The following GMEB1 variants were observed in gnomAD, a reference collection of about 807,000 sequenced individuals.
GMEB1 encodes glucocorticoid modulatory element binding protein 1.
Under a neutral mutation model 52.4 loss-of-function variants are expected in GMEB1, and 6 were observed. The observed-to-expected ratio is 0.11, with a 90% CI of 0.06 to 0.23. The LOEUF is 0.23. Ranked by LOEUF, GMEB1 falls within the 10% of genes least tolerant of loss-of-function variation. The pLI is 1.00. For missense variants in GMEB1, 486 were observed against 685.6 expected, an observed-to-expected ratio of 0.71 and a Z score of 3.25; for synonymous variants, 255 against 244.9, an observed-to-expected ratio of 1.04 and a Z score of -0.38.
chr1:28,688,278 C>G (rs574361968), intron 2 of GMEB1, among the ~76,000 whole-genome samples: 1 of 152,102 alleles, frequency 6.6e-6, no homozygotes, highest in Admixed American at 6.6e-5. Flanking sequence ...AGCGAAACTC[C>G]GTCTCAAGAA....
intron 2 of GMEB1, among the ~76,000 whole-genome samples, chr1:28,688,066 C>T (rs557687288): frequency 6.6e-6 from 1 of 152,224 alleles, no homozygotes; most frequent in East Asian, 1.9e-4. Flanking sequence ...GGGCAGATCA[C>T]CTGAGGTCGG....
At chr1:28,679,952 A>G (rs1040119126) in intron 1 of GMEB1, among the ~76,000 whole-genome samples, 1 of 152,024 alleles carries the variant, frequency 6.6e-6, no homozygotes, top group African/African-American at 2.4e-5. Flanking sequence ...ATTATAGGCA[A>G]GCGCCACCAC....
At chr1:28,705,870 T>G (rs1427905806) in intron 8 of GMEB1, among the ~76,000 whole-genome samples, 1 of 150,990 alleles carries the variant, frequency 6.6e-6, no homozygotes, top group Non-Finnish European at 1.5e-5. Flanking sequence ...TATTCTCATA[T>G]TCGGCCGGGC....
intron 2 of GMEB1, among the ~76,000 whole-genome samples, chr1:28,684,688 A>G (rs1365966249): frequency 6.6e-6 from 1 of 152,094 alleles, no homozygotes; most frequent in Non-Finnish European, 1.5e-5. Flanking sequence ...GAGTTAAACA[A>G]TGAGAACACA....
intron 1 of GMEB1, among the ~76,000 whole-genome samples, chr1:28,679,776 G>C (rs1669313172): frequency 6.6e-6 from 1 of 151,680 alleles, no homozygotes; most frequent in Non-Finnish European, 1.5e-5. Flanking sequence ...GAAAGTTCTA[G>C]AAGGGGCCAG....
At chr1:28,690,961 C>G (rs1296973340) in intron 3 of GMEB1, among the ~76,000 whole-genome samples, 1 of 151,466 alleles carries the variant, frequency 6.6e-6, no homozygotes, top group African/African-American at 2.4e-5. Context: ...GCCTGGGCAA[C>G]AAGAGCGAGA....
rs1670029284 is a variant in GMEB1 at position 28,692,888 on chromosome 1, C to T, written c.337-54C>T. The T allele has an allele frequency of 6.7e-6, 6 of 892,070 alleles. No individual in the cohort carries two copies. In the East Asian group the frequency reaches 1.3e-4, roughly 19 times the overall value. 55.3% of individuals were successfully genotyped at this position (892,070 alleles called of 1,614,324 possible). ...GAGTTATCATTTCATTATTTCCCCT[C>T]TTGGCCTGCCTAAGTTGACATTAGA... On this transcript the variant is annotated intron_variant, in intron 4 of 9. Coordinates refer to ENST00000373816, the MANE Select transcript of GMEB1 (RefSeq NM_001319674.2).
chr1:28,687,373 C>CAAAAAA lies in GMEB1; in HGVS notation c.129-2730_129-2729insAAAAAA, dbSNP rs1319753146. Reference sequence around the variant, plus strand: ...ACACACACACACACACACACACACACACACACACACACACAAAAAAAGACA... The same window carrying CAAAAAA: ...ACACACACACACACACACACACACACAAAAAAACACACACACACACAAAAAAAGACA... On this transcript the variant is annotated intron_variant, in intron 2 of 9. Coordinates refer to ENST00000373816, the MANE Select transcript of GMEB1 (RefSeq NM_001319674.2). Among the ~76,000 whole-genome samples, 29 of 23,916 alleles carry CAAAAAA rather than the reference C, an allele frequency of 1.2e-3. 6 individuals are homozygous for CAAAAAA. Among genetic ancestry groups the CAAAAAA allele is most frequent in the African/African-American group, 6.5e-3 (29 of 4,490 alleles). 15.7% of individuals were successfully genotyped at this position (23,916 alleles called of 152,430 possible). A position where few individuals can be genotyped will look rare whatever the true frequency, so the allele number is the denominator to read the frequency against.
At chr1:28,707,063 A>G (rs7550163) in intron 8 of GMEB1, among the ~76,000 whole-genome samples, 55,009 of 145,502 alleles carry the variant, frequency 0.38, 11,927 homozygotes, top group East Asian at 0.76. Flanking sequence ...GCTCACTGCA[A>G]GCTCCACCTG....
chr1:28,677,371 G>A (rs1373515706), intron 1 of GMEB1, among the ~76,000 whole-genome samples: 1 of 151,488 alleles, frequency 6.6e-6, no homozygotes, highest in Non-Finnish European at 1.5e-5. Flanking sequence ...CTAATTTTTT[G>A]CATTTGTAGC....
chr1:28,708,449 C>T (rs1043737001), intron 8 of GMEB1, among the ~76,000 whole-genome samples: 2 of 151,514 alleles, frequency 1.3e-5, no homozygotes, highest in Non-Finnish European at 2.9e-5. Flanking sequence ...CAGGCATGAG[C>T]CACCGTGCCT....
Position 28,674,149 on chromosome 1 carries a change from GAA to G in GMEB1, c.-31+5324_-31+5325del, listed in dbSNP as rs747433826. Among the ~76,000 whole-genome samples, 422 of 124,140 alleles carry G rather than the reference GAA, an allele frequency of 3.4e-3. 1 individual carries two copies. Among genetic ancestry groups the G allele is most frequent in the African/African-American group, 0.012 (397 of 33,886 alleles). 81.4% of individuals were successfully genotyped at this position (124,140 alleles called of 152,430 possible). On this transcript the variant is annotated intron_variant, in intron 1 of 9. Transcript: ENST00000373816. The stretch of plus-strand genomic sequence containing the variant: ...TGGGTGACAGAGCGAGACTCCGTCT[GAA>G]AAAAAAAAAAAAAGTTAATGAAAAA...
chr1:28,686,473 A>G (rs1669645659), intron 2 of GMEB1, among the ~76,000 whole-genome samples: 1 of 151,978 alleles, frequency 6.6e-6, no homozygotes, highest in Admixed American at 6.6e-5. Flanking sequence ...TACTAAAAGT[A>G]CAAAAATTAG....
chr1:28,682,740 A>G (rs1252918618), intron 1 of GMEB1, among the ~76,000 whole-genome samples: 1 of 152,002 alleles, frequency 6.6e-6, no homozygotes, highest in Non-Finnish European at 1.5e-5. Flanking sequence ...CTCCCTCCAC[A>G]GATACTGAGT....
chr1:28,687,989 A>G (rs1669765816), intron 2 of GMEB1, among the ~76,000 whole-genome samples: 1 of 152,188 alleles, frequency 6.6e-6, no homozygotes, highest in South Asian at 2.1e-4. Context: ...TGGGACTTCC[A>G]AATGTATTTA....
intron 2 of GMEB1, among the ~76,000 whole-genome samples, chr1:28,684,828 C>A (rs1319634840): frequency 6.6e-6 from 1 of 152,062 alleles, no homozygotes; most frequent in Non-Finnish European, 1.5e-5. Context: ...TGTAACAAAT[C>A]TGCACGTTCT....
chr1:28,691,743 G>T, intron 4 of GMEB1, 34 bp downstream of exon 4: 1 of 1,372,178 alleles, frequency 7.3e-7, no homozygotes. Context: ...GCCAAATTTG[G>T]GACTCCTTGT....
chr1:28,676,030 T>G (rs1049783145), intron 1 of GMEB1, among the ~76,000 whole-genome samples: 16 of 152,168 alleles, frequency 1.1e-4, no homozygotes, highest in Non-Finnish European at 2.2e-4. Flanking sequence ...TGTGGATGAT[T>G]ATAATTATCC....
chr1:28,711,562 C>T (rs1008715777), intron 9 of GMEB1, among the ~76,000 whole-genome samples: 5 of 152,060 alleles, frequency 3.3e-5, no homozygotes, highest in Non-Finnish European at 7.4e-5. Flanking sequence ...CTCAGGGTGA[C>T]CCTCCCACCT....
Sources: gnomAD v4.1 joint callset for allele counts (sites outside exome capture counted in the v4.1 genomes callset) on GRCh38, gnomAD v4.1.1 for gene constraint, MANE v1.5 for transcripts, NCBI Gene and HGNC (gene_info 2026-07-23, HGNC 2026-07-21) for gene names.